COL24A1: variants seen among roughly 807,000 people sequenced by gnomAD.
COL24A1 encodes the protein collagen alpha-1(XXIV) chain.
COL24A1 carries 224 observed loss-of-function variants against 253.9 expected under a neutral mutation model. That is an observed-to-expected ratio of 0.88 (90% CI 0.79 to 0.99). The LOEUF is 0.99. Among genes scored for constraint, COL24A1 ranks in the 50% least tolerant of loss-of-function variants. The pLI is 0.00. For missense variants in COL24A1, 2,131 were observed against 2,068.5 expected (o/e 1.03, Z -0.59); for synonymous variants, 685 against 673.7 (o/e 1.02, Z -0.26).
At chr1:85,834,246 G>A (rs1250623497) in intron 43 of COL24A1, among the ~76,000 whole-genome samples, 2 of 151,988 alleles carry the variant, frequency 1.3e-5, no homozygotes, top group East Asian at 1.9e-4. Context: ...ACATGAGTAG[G>A]GGTATGGGGA....
intron 24 of COL24A1, among the ~76,000 whole-genome samples, chr1:85,923,322 A>G (rs1332610259): frequency 1.3e-5 from 2 of 152,216 alleles, no homozygotes; most frequent in Non-Finnish European, 2.9e-5. Flanking sequence ...AAGTGGATCT[A>G]ATAGACATCT....
At chr1:85,936,049 G>T (rs1688222001) in intron 24 of COL24A1, among the ~76,000 whole-genome samples, 1 of 147,226 alleles carries the variant, frequency 6.8e-6, no homozygotes, top group African/African-American at 2.5e-5. Context: ...CTGGGGGATT[G>T]CAGAGAAGAT....
intron 31 of COL24A1, among the ~76,000 whole-genome samples, chr1:85,890,952 T>C (rs1683060086): frequency 6.6e-6 from 1 of 152,196 alleles, no homozygotes. Context: ...CTGAGTCTTC[T>C]CTGACTCAGT....
intron 2 of COL24A1, among the ~76,000 whole-genome samples, chr1:86,126,934 A>C (rs1472183203): frequency 1.3e-5 from 2 of 152,128 alleles, no homozygotes; most frequent in African/African-American, 2.4e-5. Flanking sequence ...TCCAAAGATA[A>C]TTGTGATTTG....
intron 6 of COL24A1, among the ~76,000 whole-genome samples, chr1:86,090,139 G>A (rs1306300001): frequency 6.6e-6 from 1 of 152,184 alleles, no homozygotes; most frequent in Admixed American, 6.5e-5. Flanking sequence ...CAGACTAGGC[G>A]TTACCGATTA....
At chr1:86,155,627 G>C (rs1483691223) in intron 1 of COL24A1, 1 of 152,380 alleles carries the variant, frequency 6.6e-6, no homozygotes, top group Non-Finnish European at 1.5e-5. Context: ...TCCGCAGGAG[G>C]GGCAGGCCCG....
Position 86,142,898 on chromosome 1 carries a change from C to T in COL24A1, c.121+3221G>A, listed in dbSNP as rs117056188. 9.2e-3 allele frequency among the ~76,000 whole-genome samples: 1,403 copies of T among 151,948 alleles called. 25 individuals carry two copies. The highest frequency in any genetic ancestry group is 0.073 in the East Asian group (376 of 5,176). On this transcript the variant is annotated intron_variant, in intron 2 of 59. Transcript: ENST00000370571. ...AAAACATCAAAGATAAATAGATGAT[C>T]TTAAGGGATTAAAAGGGAAATTAAA...
chr1:85,824,165 T>A (rs1673961433), intron 43 of COL24A1, among the ~76,000 whole-genome samples: 1 of 152,126 alleles, frequency 6.6e-6, no homozygotes, highest in Non-Finnish European at 1.5e-5. Context: ...AGAGGTAGAC[T>A]GACACAGACA....
chr1:86,128,964 T>C (rs548048026), intron 2 of COL24A1, among the ~76,000 whole-genome samples: 13 of 152,020 alleles, frequency 8.6e-5, no homozygotes, highest in African/African-American at 3.1e-4. Flanking sequence ...GACAATAAAA[T>C]TGAAATTTCA....
intron 53 of COL24A1, among the ~76,000 whole-genome samples, chr1:85,763,366 C>A (rs1667021770): frequency 6.6e-6 from 1 of 151,904 alleles, no homozygotes; most frequent in Admixed American, 6.6e-5. Flanking sequence ...TGGAGTGAAC[C>A]AAGATCACGC....
chr1:86,151,695 C>A (rs1047654287), intron 1 of COL24A1, among the ~76,000 whole-genome samples: 1 of 152,190 alleles, frequency 6.6e-6, no homozygotes, highest in Non-Finnish European at 1.5e-5. Flanking sequence ...TCAACTTCCT[C>A]TTTATTCAAA....
At position 85,907,195 on chromosome 1, in the gene COL24A1, C is replaced by T. The variant is rs1261687140; in HGVS notation, c.2777G>A (p.Arg926Lys). The T allele has an allele frequency of 3.1e-6, 5 of 1,610,546 alleles. No individual in the cohort carries two copies. Among genetic ancestry groups the T allele is most frequent in the African/African-American group, 1.3e-5 (1 of 74,738 alleles). ...PPGSQGPKGQRGSRGPDGLLG... is the reference protein window; with the variant it reads ...PPGSQGPKGQKGSRGPDGLLG... ...TACTTTTTTCCTTAGATTACTTACT[C>T]TTTGTCCTTTAGGACCTTGACTCCC... The change falls in exon 28 of 60, where the codon AGA (arginine) becomes AAA (lysine). Residue 926 changes from arginine (R) to lysine (K), a missense_variant and splice_region_variant. Arg to Lys is a conservative substitution (Grantham distance 26, BLOSUM62 2). Coordinates refer to ENST00000370571, the MANE Select transcript of COL24A1 (RefSeq NM_152890.7).
chr1:85,770,888 C>G (rs1254946673), intron 53 of COL24A1, among the ~76,000 whole-genome samples: 5 of 152,310 alleles, frequency 3.3e-5, no homozygotes, highest in Middle Eastern at 6.8e-3. Flanking sequence ...CATTGCAGAT[C>G]TCTTTGGTGC....
At chr1:86,097,663 T>A (rs998686340) in intron 5 of COL24A1, among the ~76,000 whole-genome samples, 7 of 137,938 alleles carry the variant, frequency 5.1e-5, no homozygotes, top group Admixed American at 2.9e-4. Context: ...CCTCCTCCCC[T>A]TCTCCTCCTC....
intron 7 of COL24A1, among the ~76,000 whole-genome samples, chr1:86,083,842 G>A (rs966984014): frequency 2.0e-5 from 3 of 152,128 alleles, no homozygotes; most frequent in African/African-American, 7.2e-5. Flanking sequence ...ACACTGAACT[G>A]CAATACCACA....
intron 55 of COL24A1, among the ~76,000 whole-genome samples, chr1:85,755,080 C>T (rs1383596297): frequency 1.3e-5 from 2 of 152,110 alleles, no homozygotes; most frequent in African/African-American, 2.4e-5. Context: ...TCCGAGAGAT[C>T]TTCAACCAGA....
intron 20 of COL24A1, among the ~76,000 whole-genome samples, chr1:85,972,147 T>A (rs1479767237): frequency 6.6e-6 from 1 of 152,192 alleles, no homozygotes; most frequent in Non-Finnish European, 1.5e-5. Flanking sequence ...CCAGCAAAGT[T>A]CTAAGTCTCT....
At chr1:85,838,729 T>A (rs888554217) in intron 42 of COL24A1, 91 bp from the exon 43 acceptor site, 1 of 1,228,884 alleles carries the variant, frequency 8.1e-7, no homozygotes, top group Non-Finnish European at 1.2e-6. Context: ...TTTATTCTTT[T>A]GTCAAAAATA....
intron 19 of COL24A1, among the ~76,000 whole-genome samples, chr1:86,015,994 G>C (rs1571608707): frequency 6.6e-6 from 1 of 150,630 alleles, no homozygotes; most frequent in African/African-American, 2.4e-5. Flanking sequence ...CCGAGTAGCT[G>C]GGACTACAGG....
Sources: allele counts gnomAD v4.1 joint callset (sites outside exome capture counted in the v4.1 genomes callset), GRCh38; gene constraint gnomAD v4.1.1; transcripts MANE v1.5; gene names NCBI Gene and HGNC (gene_info 2026-07-23, HGNC 2026-07-21).